GABRG3: variants seen among roughly 807,000 people sequenced by gnomAD.
The protein encoded by GABRG3 is gamma-aminobutyric acid receptor subunit gamma-3.
Under a neutral mutation model 48.8 loss-of-function variants are expected in GABRG3, and 25 were observed. The ratio of observed to expected loss-of-function variants is 0.51; its 90% confidence interval spans 0.37 to 0.72. The LOEUF (loss-of-function observed/expected upper bound fraction) is 0.72, where lower values mean the gene tolerates loss of function less well. Ranked by LOEUF, GABRG3 falls within the 30% of genes least tolerant of loss-of-function variation. The pLI is 0.00. For synonymous variants in GABRG3, 227 were observed against 217.6 expected, an observed-to-expected ratio of 1.04 and a Z score of -0.38; for missense variants, 394 against 577.9, an observed-to-expected ratio of 0.68 and a Z score of 3.26.
rs1399459612 is a variant in GABRG3, at chr15:27,352,138, TTGTGTGTTTGTGTATGGTG to T, written c.574+23283_574+23301del. Among the ~76,000 whole-genome samples the T allele has an allele frequency of 5.8e-3, 876 of 150,698 alleles. 8 individuals are homozygous for T. Among genetic ancestry groups the T allele is most frequent in the African/African-American group, 0.02 (807 of 40,994 alleles). On this transcript the variant is annotated intron_variant, in intron 5 of 9. Coordinates refer to ENST00000615808, the MANE Select transcript of GABRG3 (RefSeq NM_033223.5). This position sits in a 1 kb window ranked among gnomAD's most constrained non-coding sequence, Gnocchi z 4.0. ...TGTGTGTGTATGTATGATGTGTGTA[TTGTGTGTTTGTGTATGGTG>T]TGTGTGTTTGTGTATGGTGTGTGTG...
intron 3 of GABRG3, among the ~76,000 whole-genome samples, chr15:27,256,457 AAAAC>A (rs924224927): frequency 2.1e-5 from 3 of 144,196 alleles, no homozygotes; most frequent in Non-Finnish European, 4.5e-5. Flanking sequence ...AAAAAAAAAG[AAAAC>A]AAACCCAAAT....
At chr15:27,295,784 A>G (rs1373921116) in intron 3 of GABRG3, among the ~76,000 whole-genome samples, 1 of 152,136 alleles carries the variant, frequency 6.6e-6, no homozygotes, top group Non-Finnish European at 1.5e-5. Flanking sequence ...AAGGAGTAAA[A>G]GTGGAATAGA....
At chr15:27,256,297 C>T (rs937567653) in intron 3 of GABRG3, among the ~76,000 whole-genome samples, 50 of 151,878 alleles carry the variant, frequency 3.3e-4, no homozygotes, top group African/African-American at 1.1e-3. Flanking sequence ...AAAAATTAGC[C>T]GGGTGCGATG....
At chr15:27,490,938 C>G (rs932092790) in intron 6 of GABRG3, among the ~76,000 whole-genome samples, 2 of 150,674 alleles carry the variant, frequency 1.3e-5, no homozygotes, top group Non-Finnish European at 3.0e-5. Flanking sequence ...TTTCTGTGGC[C>G]ATTGAAGATG....
rs374534463 is a variant in GABRG3 at position 27,532,427 on chromosome 15, C to CAAAAAAA, written c.1123-159_1123-153dup. Reference sequence around the variant, plus strand: ...TATTAAACTCTCTGCTCCTTAAAACCAAAAAAAAAAAAAAAAAAAAGACCA... The same window carrying CAAAAAAA: ...TATTAAACTCTCTGCTCCTTAAAACCAAAAAAAAAAAAAAAAAAAAAAAAAAAGACCA... On this transcript the variant is annotated intron_variant, in intron 9 of 9. Transcript: ENST00000615808. Among the ~76,000 whole-genome samples, 90 of 74,632 alleles carry CAAAAAAA rather than the reference C, an allele frequency of 1.2e-3. 2 individuals carry two copies. Among genetic ancestry groups the CAAAAAAA allele is most frequent in the African/African-American group, 3.8e-3 (81 of 21,498 alleles). The allele number at this position is 74,632 out of a possible 152,430, so 49.0% of individuals were successfully genotyped here.
intron 3 of GABRG3, among the ~76,000 whole-genome samples, chr15:27,220,990 T>TC (rs1491075541): frequency 4.1e-5 from 6 of 147,274 alleles, no homozygotes; most frequent in Admixed American, 6.6e-5. Flanking sequence ...TGGAATTGCT[T>TC]CTTTTTTTTT....
chr15:27,423,401 T>TTAAACATCAGTTCA (rs1448471546), intron 5 of GABRG3, among the ~76,000 whole-genome samples: 3 of 152,114 alleles, frequency 2.0e-5, no homozygotes, highest in African/African-American at 7.2e-5. Context: ...CAATGATGCT[T>TTAAACATCAGTTCA]TAAACATCAG....
At chr15:27,209,792 G>A (rs1889012998) in intron 3 of GABRG3, among the ~76,000 whole-genome samples, 1 of 152,236 alleles carries the variant, frequency 6.6e-6, no homozygotes, top group African/African-American at 2.4e-5. Flanking sequence ...GTTTCACAGT[G>A]CTGGAGGCAG....
intron 5 of GABRG3, among the ~76,000 whole-genome samples, chr15:27,437,483 C>T (rs1414588415): frequency 6.6e-6 from 1 of 152,204 alleles, no homozygotes; most frequent in African/African-American, 2.4e-5. Context: ...ATTCCCTCTA[C>T]TCCTTGTCCC....
chr15:26,985,825 A>C (rs998653199), intron 2 of GABRG3, among the ~76,000 whole-genome samples: 1 of 152,224 alleles, frequency 6.6e-6, no homozygotes, highest in African/African-American at 2.4e-5. Flanking sequence ...ATGAAGGCAT[A>C]CAATAGTCCT....
At chr15:27,475,801 T>A (rs1889923363) in intron 5 of GABRG3, among the ~76,000 whole-genome samples, 1 of 151,826 alleles carries the variant, frequency 6.6e-6, no homozygotes, top group African/African-American at 2.4e-5. Flanking sequence ...ATGGTGATGA[T>A]GGTAATGATG....
chr15:27,528,421 A>G (rs934922147), intron 9 of GABRG3, among the ~76,000 whole-genome samples: 3 of 152,212 alleles, frequency 2.0e-5, no homozygotes, highest in African/African-American at 7.2e-5. Context: ...TGATTGATGC[A>G]CAAGCAATCT....
intron 9 of GABRG3, chr15:27,530,764 C>T (rs936786290): frequency 4.3e-6 from 2 of 469,716 alleles, no homozygotes; most frequent in Non-Finnish European, 8.8e-6. Context: ...CAGACTTCTC[C>T]TCTGTGTCTC....
At chr15:27,224,694 A>G (rs1889556198) in intron 3 of GABRG3, among the ~76,000 whole-genome samples, 2 of 152,232 alleles carry the variant, frequency 1.3e-5, no homozygotes, top group Admixed American at 1.3e-4. Context: ...TCTCTCAGGT[A>G]TTTAAGATGG....
chr15:27,156,595 G>T (rs1326801884), intron 3 of GABRG3, among the ~76,000 whole-genome samples: 1 of 152,062 alleles, frequency 6.6e-6, no homozygotes, highest in Non-Finnish European at 1.5e-5. Flanking sequence ...AATATCCAGG[G>T]ATTTTAGTTG....
intron 5 of GABRG3, among the ~76,000 whole-genome samples, chr15:27,430,965 G>A (rs544733588): frequency 1.3e-5 from 2 of 151,632 alleles, no homozygotes; most frequent in South Asian, 4.2e-4. Flanking sequence ...GCTCCAGCCT[G>A]GGTGACAGAG....
At chr15:27,409,593 A>C (rs1887738402) in intron 5 of GABRG3, among the ~76,000 whole-genome samples, 1 of 152,136 alleles carries the variant, frequency 6.6e-6, no homozygotes, top group Non-Finnish European at 1.5e-5. Context: ...CTTTCCATAT[A>C]ACTTTTGGAA....
intron 5 of GABRG3, among the ~76,000 whole-genome samples, chr15:27,384,382 C>G (rs1595717861): frequency 6.6e-6 from 1 of 152,226 alleles, no homozygotes; most frequent in East Asian, 1.9e-4. Flanking sequence ...TGAAATGATT[C>G]CAGTCATCCT....
At chr15:27,251,734 A>T (rs574276807) in intron 3 of GABRG3, among the ~76,000 whole-genome samples, 219 of 152,274 alleles carry the variant, frequency 1.4e-3, no homozygotes, top group African/African-American at 5.2e-3. Flanking sequence ...ATGTCTACAC[A>T]GTGCACAAGT....
Sources: allele counts gnomAD v4.1 joint callset (sites outside exome capture counted in the v4.1 genomes callset), GRCh38; gene constraint gnomAD v4.1.1; non-coding constraint Gnocchi (gnomAD v3.1); transcripts MANE v1.5; gene names NCBI Gene and HGNC (gene_info 2026-07-23, HGNC 2026-07-21).